The following CHD1 variants were observed in gnomAD, a reference collection of about 807,000 sequenced individuals.
CHD1 encodes chromodomain helicase DNA binding protein 1.
CHD1 carries 36 observed loss-of-function variants against 224.2 expected under a neutral mutation model. That is an observed-to-expected ratio of 0.16 (90% CI 0.12 to 0.21). The LOEUF is 0.21. CHD1 is among the 10% of genes least tolerant of loss of function. The probability of loss-of-function intolerance (pLI) is 1.00; values close to 1 mark genes in which losing one functional copy is unlikely to be tolerated. For synonymous variants in CHD1, 668 were observed against 658.3 expected, an observed-to-expected ratio of 1.01 and a Z score of -0.23; for missense variants, 1,378 against 1,994.8, an observed-to-expected ratio of 0.69 and a Z score of 5.89.
chr5:98,920,151 T>A (rs992665854), intron 2 of CHD1, among the ~76,000 whole-genome samples: 2 of 152,062 alleles, frequency 1.3e-5, no homozygotes, highest in African/African-American at 4.8e-5. Flanking sequence ...GGATTACAAC[T>A]CAAAGCACAT....
chr5:98,864,323 T>A (rs536324499), intron 31 of CHD1, among the ~76,000 whole-genome samples: 2 of 152,000 alleles, frequency 1.3e-5, no homozygotes, highest in South Asian at 2.1e-4. Context: ...CTGGTTTAGT[T>A]CTAGGAATAT....
At chr5:98,918,055 A>G (rs1752855310) in intron 2 of CHD1, among the ~76,000 whole-genome samples, 1 of 140,338 alleles carries the variant, frequency 7.1e-6, no homozygotes, top group African/African-American at 3.0e-5. Context: ...TAAGTCACAG[A>G]AAAACTTTTT....
Position 98,920,486 on chromosome 5 carries a change from C to T in CHD1, c.53+5848G>A, listed in dbSNP as rs551670857. Among the ~76,000 whole-genome samples the T allele has an allele frequency of 7.2e-5, 11 of 152,222 alleles. No homozygotes were observed. The South Asian group carries it at 2.1e-3, about 29-fold the overall frequency. ...GTATTCTTTCTAAAAACCAATAACC[C>T]TAGTTTATCCTAAGAACAATAGACA... On this transcript the variant is annotated intron_variant, in intron 2 of 35. Transcript: ENST00000614616.
At chr5:98,905,899 T>C (rs1752020317) in intron 2 of CHD1, among the ~76,000 whole-genome samples, 1 of 152,196 alleles carries the variant, frequency 6.6e-6, no homozygotes, top group African/African-American at 2.4e-5. Flanking sequence ...TTTGTTTATA[T>C]GTTGAAAACT....
chr5:98,893,747 C>T, intron 13 of CHD1, 141 bp from the exon 14 acceptor site: 1 of 591,112 alleles, frequency 1.7e-6, no homozygotes, highest in Non-Finnish European at 2.9e-6. Context: ...AAATCGTAAT[C>T]TCAAGATTAC....
chr5:98,863,443 C>T lies in CHD1; in HGVS notation c.4392G>A (p.Glu1464=), dbSNP rs1748629788. The change falls in exon 32 of 36, where the codon GAG becomes GAA. Residue 1464 remains glutamate, a synonymous_variant. Coordinates refer to ENST00000614616, the MANE Select transcript of CHD1 (RefSeq NM_001270.4). ...IGDHITECLK[E]YTNPEQIKQW... ...GCTTAATTTGTTCAGGATTTGTATA[C>T]TCTTTTAGACATTCTGTGATATGGT... 1 of 1,585,180 alleles carries T rather than the reference C, an allele frequency of 6.3e-7. No individual in the cohort carries two copies. Among genetic ancestry groups the T allele is most frequent in the African/African-American group, 1.4e-5 (1 of 72,844 alleles).
At chr5:98,856,833 T>G (rs1748069905) in intron 35 of CHD1, 108 bp from the exon 36 acceptor site, 1 of 757,444 alleles carries the variant, frequency 1.3e-6, no homozygotes, top group South Asian at 2.0e-5. Flanking sequence ...TTTTTAATTG[T>G]ATAGAAATTC....
chr5:98,897,128 T>C (rs1580457708), intron 11 of CHD1, 65 bp downstream of exon 11: 2 of 1,474,044 alleles, frequency 1.4e-6, no homozygotes, highest in East Asian at 4.6e-5. Context: ...GGAAATCTTT[T>C]CTGAATCCTG....
intron 22 of CHD1, among the ~76,000 whole-genome samples, chr5:98,880,321 C>A (rs781313988): frequency 1.3e-5 from 2 of 152,350 alleles, no homozygotes; most frequent in South Asian, 4.1e-4. Context: ...GATTACTCAA[C>A]ATTCTGTCTT....
Position 98,897,273 on chromosome 5 carries a change from G to C in CHD1, c.1413C>G (p.Ser471=), listed in dbSNP as rs555631818. The change falls in exon 11 of 36, where the codon TCC becomes TCG. Residue 471 remains serine (S), a synonymous_variant. Coordinates refer to ENST00000614616, the MANE Select transcript of CHD1 (RefSeq NM_001270.4). The part of the protein sequence containing the change: ...PRFVALKKQP[S]YIGGHEGLEL... ...CTAAGCCCTCATGTCCTCCAATATA[G>C]GATGGCTGCTTCTTCAGGGCTACAA... 3.9e-5 allele frequency: 63 copies of C among 1,610,870 alleles called. 1 individual carries two copies. The highest frequency in any genetic ancestry group is 5.3e-5 in the Non-Finnish European group (62 of 1,177,672).
chr5:98,860,289 A>T (rs920057447), intron 32 of CHD1: 1 of 494,052 alleles, frequency 2.0e-6, no homozygotes, highest in Non-Finnish European at 3.8e-6. Context: ...TCTCTTCCAA[A>T]TCGCTTCATT....
chr5:98,905,228 A>G (rs1751965910), intron 2 of CHD1, 130 bp from the exon 3 acceptor site: 2 of 1,044,724 alleles, frequency 1.9e-6, no homozygotes, highest in African/African-American at 1.6e-5. Context: ...TTGGCCAAAA[A>G]AAAGAAAAAG....
In CHD1 at chr5:98,868,496, A is replaced by G. The variant is rs1173618842; in HGVS notation, c.4247T>C (p.Ile1416Thr). The G allele has an allele frequency of 1.0e-5, 16 of 1,605,812 alleles. No individual in the cohort carries two copies. The highest frequency in any genetic ancestry group is 1.3e-5 in the Non-Finnish European group (15 of 1,178,278). Reference protein sequence around the residue: ...SEELDQKTFSICKERMRPVKA... With the variant: ...SEELDQKTFSTCKERMRPVKA... ...ATAATCAGAAAGTCTAAGGCTTACAATGCTGAATGTCTTCTGATCCAGCTC... is the reference window on the plus strand; with the variant it reads ...ATAATCAGAAAGTCTAAGGCTTACAGTGCTGAATGTCTTCTGATCCAGCTC... Residue 1416 changes from isoleucine to threonine, a missense_variant and splice_region_variant, in exon 31 of 36, where the codon ATT (isoleucine) becomes ACT (threonine). Transcript: ENST00000614616.
At chr5:98,863,316 AC>A in intron 32 of CHD1, 91 bp downstream of exon 32, 1 of 689,366 alleles carries the variant, frequency 1.5e-6, no homozygotes. Flanking sequence ...TTATCTTGTT[AC>A]CTAAACTTCA....
chr5:98,889,908 T>A (rs1194704623), intron 15 of CHD1: 1 of 152,096 alleles, frequency 6.6e-6, no homozygotes, highest in East Asian at 1.9e-4. Flanking sequence ...TAAAATAATA[T>A]CCATGGATGG....
At chr5:98,904,501 A>G (rs774181475) in intron 3 of CHD1, among the ~76,000 whole-genome samples, 1 of 152,222 alleles carries the variant, frequency 6.6e-6, no homozygotes, top group Non-Finnish European at 1.5e-5. Context: ...GTTCCATTAA[A>G]TTATTCTGCT....
chr5:98,911,146 A>AATATATATATATATATAT (rs1158932549), intron 2 of CHD1, among the ~76,000 whole-genome samples: 36 of 39,098 alleles, frequency 9.2e-4, no homozygotes, highest in South Asian at 1.1e-3. Flanking sequence ...AAAAAAAAAA[A>AATATATATATATATATAT]ATATATATAT....
chr5:98,859,893 A>C, intron 33 of CHD1, 79 bp downstream of exon 33: 3 of 703,910 alleles, frequency 4.3e-6, no homozygotes, highest in South Asian at 4.1e-5. Flanking sequence ...TGTATTTATT[A>C]ATCAAACTGC....
At chr5:98,884,908 T>C (rs1750540290) in intron 18 of CHD1, among the ~76,000 whole-genome samples, 1 of 151,892 alleles carries the variant, frequency 6.6e-6, no homozygotes, top group Admixed American at 6.6e-5. Context: ...ATTTTTATTT[T>C]TTTTTGTACA....
Sources: gnomAD v4.1 joint callset for allele counts (sites outside exome capture counted in the v4.1 genomes callset) on GRCh38, gnomAD v4.1.1 for gene constraint, MANE v1.5 for transcripts, NCBI Gene and HGNC (gene_info 2026-07-23, HGNC 2026-07-21) for gene names.